The following ZSWIM6 variants were observed in gnomAD, a reference collection of about 807,000 sequenced individuals.
ZSWIM6 encodes zinc finger SWIM domain-containing protein 6.
In ZSWIM6, 9 loss-of-function variants were observed where a neutral mutation model predicts 113.2. That is an observed-to-expected ratio of 0.08 (90% confidence interval 0.05 to 0.14). ZSWIM6 has a LOEUF of 0.14. Ranked by LOEUF, ZSWIM6 falls within the 10% of genes least tolerant of loss-of-function variation. The pLI, the probability that ZSWIM6 is intolerant of heterozygous loss-of-function variation, is 1.00. For missense variants in ZSWIM6, 1,162 were observed against 1,552.2 expected (o/e 0.75, Z 4.22); for synonymous variants, 611 against 606.5 (o/e 1.01, Z -0.11).
intron 1 of ZSWIM6, among the ~76,000 whole-genome samples, chr5:61,361,178 T>G (rs1051948884): frequency 6.6e-6 from 1 of 152,184 alleles, no homozygotes; most frequent in Non-Finnish European, 1.5e-5. Flanking sequence ...GTGCCAGCAC[T>G]GTGCTAAGTG....
At chr5:61,360,021 G>A (rs1188965342) in intron 1 of ZSWIM6, among the ~76,000 whole-genome samples, 5 of 150,084 alleles carry the variant, frequency 3.3e-5, no homozygotes, top group Non-Finnish European at 7.4e-5. Flanking sequence ...AGAGAGAGAG[G>A]GAGAATGTGT....
chr5:61,345,866 T>A (rs1009150518), intron 1 of ZSWIM6, among the ~76,000 whole-genome samples: 8 of 152,204 alleles, frequency 5.3e-5, no homozygotes, highest in African/African-American at 1.9e-4. Flanking sequence ...TAAGAAAGCT[T>A]ATGTTGAGGG....
intron 2 of ZSWIM6, among the ~76,000 whole-genome samples, chr5:61,484,915 G>T (rs186657879): frequency 1.3e-5 from 2 of 152,244 alleles, no homozygotes; most frequent in Non-Finnish European, 2.9e-5. Flanking sequence ...AACCAACTTG[G>T]AACCTATTTC....
chr5:61,494,930 T>C (rs1379961125), intron 4 of ZSWIM6, among the ~76,000 whole-genome samples: 1 of 152,162 alleles, frequency 6.6e-6, no homozygotes, highest in South Asian at 2.1e-4. Context: ...TGGTTAAAGA[T>C]ACAAATATAG....
At chr5:61,455,874 A>G (rs116741246) in intron 1 of ZSWIM6, among the ~76,000 whole-genome samples, 1,583 of 128,700 alleles carry the variant, frequency 0.012, 19 homozygotes, top group African/African-American at 0.042. Context: ...GGAAGTGTTG[A>G]TAAGTTTTCA....
At chr5:61,434,014 T>A (rs6449534) in intron 1 of ZSWIM6, among the ~76,000 whole-genome samples, 20,881 of 147,188 alleles carry the variant, frequency 0.14, 1,594 homozygotes, top group Non-Finnish European at 0.17. Context: ...TAAAAATATA[T>A]GTATAATAGA....
intron 1 of ZSWIM6, among the ~76,000 whole-genome samples, chr5:61,425,776 A>G (rs1579990199): frequency 1.3e-5 from 2 of 152,238 alleles, no homozygotes; most frequent in Non-Finnish European, 2.9e-5. Flanking sequence ...GTGCAAAAGC[A>G]CTGGGCTTAT....
chr5:61,495,599 C>T (rs543705985), intron 4 of ZSWIM6, among the ~76,000 whole-genome samples: 4 of 152,148 alleles, frequency 2.6e-5, no homozygotes, highest in African/African-American at 9.6e-5. Context: ...TGCCCTTCCC[C>T]CTAATCAAAA....
At chr5:61,412,464 G>T (rs1276911706) in intron 1 of ZSWIM6, among the ~76,000 whole-genome samples, 1 of 152,112 alleles carries the variant, frequency 6.6e-6, no homozygotes, top group African/African-American at 2.4e-5. Flanking sequence ...TGATGTGGAG[G>T]CATTTATTGT....
intron 1 of ZSWIM6, chr5:61,375,112 A>G (rs1463805424): frequency 1.9e-6 from 3 of 1,608,822 alleles, no homozygotes; most frequent in Non-Finnish European, 2.6e-6. Flanking sequence ...ATCCAGCACC[A>G]TGGGGAAGCG....
chr5:61,466,140 T>C (rs1046352247), intron 1 of ZSWIM6, among the ~76,000 whole-genome samples: 1 of 152,220 alleles, frequency 6.6e-6, no homozygotes, highest in Non-Finnish European at 1.5e-5. Context: ...TTGTTTTTAA[T>C]ATCGATTATT....
At chr5:61,431,354 AG>A (rs1746575556) in intron 1 of ZSWIM6, among the ~76,000 whole-genome samples, 1 of 137,042 alleles carries the variant, frequency 7.3e-6, no homozygotes, top group East Asian at 2.2e-4. Context: ...GCCTGGCGAC[AG>A]AGCAAGACTC....
At chr5:61,416,297 GA>G (rs752157483) in intron 1 of ZSWIM6, among the ~76,000 whole-genome samples, 23 of 152,166 alleles carry the variant, frequency 1.5e-4, no homozygotes, top group Non-Finnish European at 2.6e-4. Context: ...CCCTACTAGT[GA>G]AGCTTCTTTT....
Position 61,521,254 on chromosome 5 carries a change from T to C in ZSWIM6, c.1334-9T>C. 7.7e-7 allele frequency: 1 copy of C among 1,303,726 alleles called. No individual in the cohort carries two copies. Among genetic ancestry groups the C allele is most frequent in the East Asian group, 3.1e-5 (1 of 32,160 alleles). 80.8% of individuals were successfully genotyped at this position (1,303,726 alleles called of 1,614,324 possible). A position where few individuals can be genotyped will look rare whatever the true frequency, so the allele number is the denominator to read the frequency against. ...TGAACATTTATTTTCCTTTCCTCCT[T>C]TAAATTAGGTGCTCTGTGGATGTGT... On this transcript the variant is annotated splice_polypyrimidine_tract_variant and intron_variant, in intron 4 of 13. Coordinates refer to ENST00000252744, the MANE Select transcript of ZSWIM6 (RefSeq NM_020928.2).
chr5:61,371,314 A>C (rs1391853814), intron 1 of ZSWIM6, among the ~76,000 whole-genome samples: 1 of 152,226 alleles, frequency 6.6e-6, no homozygotes, highest in Non-Finnish European at 1.5e-5. Context: ...TATTATGAAG[A>C]TGTAACAGGC....
intron 1 of ZSWIM6, among the ~76,000 whole-genome samples, chr5:61,427,554 T>C (rs1177235741): frequency 2.6e-5 from 4 of 152,122 alleles, no homozygotes; most frequent in African/African-American, 4.8e-5. Context: ...TTGTAACTTA[T>C]TGCAACCTTG....
chr5:61,390,724 T>G, intron 1 of ZSWIM6: 1 of 796,562 alleles, frequency 1.3e-6, no homozygotes, highest in Non-Finnish European at 2.3e-6. Context: ...ATGAATGCTG[T>G]CTTCTCCTCC....
chr5:61,360,794 C>G (rs1745020134), intron 1 of ZSWIM6, among the ~76,000 whole-genome samples: 1 of 152,084 alleles, frequency 6.6e-6, no homozygotes, highest in East Asian at 1.9e-4. Context: ...TGATCTTTTC[C>G]TGGCTTTTGA....
intron 7 of ZSWIM6, among the ~76,000 whole-genome samples, chr5:61,529,358 T>C (rs1458394275): frequency 6.6e-6 from 1 of 152,272 alleles, no homozygotes; most frequent in East Asian, 1.9e-4. Context: ...TTATATTCTG[T>C]GAAGAAAATG....
Sources: allele counts gnomAD v4.1 joint callset (sites outside exome capture counted in the v4.1 genomes callset), GRCh38; gene constraint gnomAD v4.1.1; transcripts MANE v1.5; gene names NCBI Gene and HGNC (gene_info 2026-07-23, HGNC 2026-07-21).